NCAM1: variants seen among roughly 807,000 people sequenced by gnomAD.
The protein encoded by NCAM1 is antigen recognized by monoclonal antibody 5.1H11.
A neutral mutation model predicts 109.8 loss-of-function variants in NCAM1; 14 were observed. The observed-to-expected ratio is 0.13, with a 90% CI of 0.08 to 0.20. The LOEUF (loss-of-function observed/expected upper bound fraction) is 0.20. Ranked by LOEUF, NCAM1 falls within the 10% of genes least tolerant of loss-of-function variation. The pLI is 1.00. For synonymous variants in NCAM1, 418 were observed against 442.9 expected (o/e 0.94, Z 0.70); for missense variants, 774 against 1,109.9 (o/e 0.70, Z 4.30).
intron 9 of NCAM1, among the ~76,000 whole-genome samples, chr11:113,222,846 A>T (rs1244424182): frequency 1.3e-5 from 2 of 152,140 alleles, no homozygotes; most frequent in African/African-American, 4.8e-5. Context: ...CCTTATCATG[A>T]GTGTCTTACT....
At chr11:113,092,713 T>C (rs1157732513) in intron 1 of NCAM1, among the ~76,000 whole-genome samples, 2 of 152,200 alleles carry the variant, frequency 1.3e-5, no homozygotes, top group East Asian at 3.9e-4. Flanking sequence ...AGAATCAAGA[T>C]TGTATGGACT....
At chr11:113,264,473 C>T (rs2137704575) in intron 17 of NCAM1, 1 of 985,696 alleles carries the variant, frequency 1.0e-6, no homozygotes, top group South Asian at 4.7e-5. Context: ...CGCTGGAGTC[C>T]CAGATGGCGC....
intron 1 of NCAM1, among the ~76,000 whole-genome samples, chr11:113,196,605 C>A (rs1555110869): frequency 2.0e-5 from 3 of 152,164 alleles, no homozygotes; most frequent in African/African-American, 7.2e-5. Flanking sequence ...CTTTTCAAAG[C>A]CCCATGAGGA....
chr11:113,176,019 C>T (rs142566756), intron 1 of NCAM1, among the ~76,000 whole-genome samples: 11 of 152,186 alleles, frequency 7.2e-5, no homozygotes, highest in Non-Finnish European at 1.5e-4. Context: ...ATCAATAATA[C>T]ATAACTAGTA....
intron 2 of NCAM1, among the ~76,000 whole-genome samples, chr11:113,202,913 A>G (rs1422313731): frequency 2.6e-5 from 4 of 152,150 alleles, no homozygotes; most frequent in Non-Finnish European, 5.9e-5. Flanking sequence ...GAATACTGGT[A>G]TGGCTTTTGT....
At chr11:113,171,712 A>G (rs1555106294) in intron 1 of NCAM1, among the ~76,000 whole-genome samples, 1 of 152,176 alleles carries the variant, frequency 6.6e-6, no homozygotes, top group Non-Finnish European at 1.5e-5. Context: ...CTAACAATGA[A>G]TTAGATTTTC....
chr11:113,055,716 G>A (rs146371550), intron 1 of NCAM1, among the ~76,000 whole-genome samples: 13 of 151,646 alleles, frequency 8.6e-5, no homozygotes, highest in South Asian at 2.1e-4. Flanking sequence ...TCAATGTAAC[G>A]CAGCAAAGGT....
chr11:113,009,312 GTTTTTTTTTTT>G (rs781818836), intron 1 of NCAM1, among the ~76,000 whole-genome samples: 2 of 79,690 alleles, frequency 2.5e-5, no homozygotes, highest in South Asian at 5.8e-4. Context: ...GTTTTTTCGG[GTTTTTTTTTTT>G]TTTTTTTTTT....
rs1380679980 is a variant in NCAM1, at chr11:113,230,205, CT to C, written c.1090-1439del. On this transcript the variant is annotated intron_variant, in intron 9 of 19. Coordinates refer to ENST00000316851, the MANE Select transcript of NCAM1 (RefSeq NM_181351.5). ...GGCTTTCTAGTGAAGTGTTCCACACCTGTTTGTTGTCATCTCTCATTAATGT... is the reference window on the plus strand; with the variant it reads ...GGCTTTCTAGTGAAGTGTTCCACACCGTTTGTTGTCATCTCTCATTAATGT... Among the ~76,000 whole-genome samples, 9 of 152,102 alleles carry C rather than the reference CT, an allele frequency of 5.9e-5. 1 individual carries two copies. Among genetic ancestry groups the C allele is most frequent in the African/African-American group, 1.4e-4 (6 of 41,404 alleles).
At chr11:112,983,737 A>AT (rs1277539499) in intron 1 of NCAM1, among the ~76,000 whole-genome samples, 1 of 151,976 alleles carries the variant, frequency 6.6e-6, no homozygotes, top group African/African-American at 2.4e-5. Flanking sequence ...TTGGCTCTGC[A>AT]TTTTGCAGGA....
At chr11:113,023,161 C>T (rs7926445) in intron 1 of NCAM1, among the ~76,000 whole-genome samples, 2 of 152,096 alleles carry the variant, frequency 1.3e-5, no homozygotes, top group Non-Finnish European at 2.9e-5. Flanking sequence ...CAGAGCGGCA[C>T]GAACTTTAAA....
At chr11:113,198,257 C>T (rs577463443) in intron 1 of NCAM1, among the ~76,000 whole-genome samples, 4 of 152,254 alleles carry the variant, frequency 2.6e-5, no homozygotes, top group African/African-American at 9.6e-5. Flanking sequence ...ACTTATGGCT[C>T]TGAGCGTCCC....
At chr11:113,190,049 C>G (rs1394010846) in intron 1 of NCAM1, among the ~76,000 whole-genome samples, 2 of 152,022 alleles carry the variant, frequency 1.3e-5, no homozygotes, top group Non-Finnish European at 2.9e-5. Context: ...GGTCGTGTTC[C>G]CCCAACCTCA....
At chr11:113,183,501 G>A (rs1943395894) in intron 1 of NCAM1, among the ~76,000 whole-genome samples, 1 of 152,208 alleles carries the variant, frequency 6.6e-6, no homozygotes, top group Non-Finnish European at 1.5e-5. Flanking sequence ...AACCTGCTGG[G>A]TATAAAACCA....
chr11:113,082,740 A>G (rs1938891762), intron 1 of NCAM1, among the ~76,000 whole-genome samples: 1 of 152,218 alleles, frequency 6.6e-6, no homozygotes, highest in South Asian at 2.1e-4. Flanking sequence ...TCGGTCCCTC[A>G]GACCTGGCTC....
intron 1 of NCAM1, among the ~76,000 whole-genome samples, chr11:113,168,529 C>A (rs577029077): frequency 3.3e-5 from 5 of 152,192 alleles, no homozygotes; most frequent in African/African-American, 1.2e-4. Flanking sequence ...TTGGTTTACA[C>A]CCTGCATCAC....
chr11:113,037,619 T>C (rs1411714955), intron 1 of NCAM1, among the ~76,000 whole-genome samples: 1 of 152,214 alleles, frequency 6.6e-6, no homozygotes, highest in Non-Finnish European at 1.5e-5. Context: ...TGTTGAGTTC[T>C]TGTCTAATGC....
In NCAM1 at chr11:113,206,092, G is replaced by T; in HGVS notation, c.540G>T (p.Lys180Asn). 1 of 1,613,960 alleles carries T rather than the reference G, an allele frequency of 6.2e-7. No individual in the cohort carries two copies. The highest frequency in any genetic ancestry group is 8.5e-7 in the Non-Finnish European group (1 of 1,179,870). Residue 180 changes from lysine (K) to asparagine (N), a missense_variant, in exon 5 of 20, where the codon AAG becomes AAT. Around this residue, in one of 4 missense-constraint regions of NCAM1, gnomAD observed 523 missense variants for 784.2 expected, o/e 0.67. Coordinates refer to ENST00000316851, the MANE Select transcript of NCAM1 (RefSeq NM_181351.5). ...SNNYLQIRGI[K>N]KTDEGTYRCE... Reference sequence around the variant, plus strand: ...ACTACCTGCAGATCCGGGGCATCAAGAAAACAGATGAGGGCACTTATCGCT... The same window carrying T: ...ACTACCTGCAGATCCGGGGCATCAATAAAACAGATGAGGGCACTTATCGCT...
rs1382197193 is a variant in NCAM1, at chr11:113,032,309, A to G, written c.52+70645A>G. On this transcript the variant is annotated intron_variant, in intron 1 of 19. Transcript: ENST00000316851. ...TTTCTTTGTTCAGGGTATGCCATCT[A>G]CTGAAACACTCCCTTCCACCCAGAT... 2.6e-5 allele frequency among the ~76,000 whole-genome samples: 4 copies of G among 152,174 alleles called. No individual in the cohort carries two copies. The East Asian group carries it at 7.7e-4, about 29-fold the overall frequency.
Sources: gnomAD v4.1 joint callset for allele counts (sites outside exome capture counted in the v4.1 genomes callset) on GRCh38, gnomAD v4.1.1 for gene constraint, gnomAD v4.1.1 regional missense constraint, MANE v1.5 for transcripts, NCBI Gene and HGNC (gene_info 2026-07-23, HGNC 2026-07-21) for gene names.